The following TADA2A variants were observed in gnomAD, a reference collection of about 807,000 sequenced individuals.
TADA2A encodes the protein transcriptional adapter 2-alpha.
TADA2A carries 38 observed loss-of-function variants against 67.4 expected under a neutral mutation model. The observed-to-expected ratio is 0.56, with a 90% confidence interval of 0.44 to 0.74. TADA2A has a LOEUF of 0.74. Among genes scored for constraint, TADA2A ranks in the 30% least tolerant of loss-of-function variants. The pLI is 0.00. For synonymous variants in TADA2A, 192 were observed against 181.6 expected (o/e 1.06, Z -0.46); for missense variants, 454 against 547.0 (o/e 0.83, Z 1.70).
intron 1 of TADA2A, chr17:37,407,474 A>G (rs1272064925): frequency 2.6e-5 from 4 of 152,234 alleles, no homozygotes; most frequent in Non-Finnish European, 4.4e-5. Flanking sequence ...CTGCCCGGCG[A>G]AGTGCCTCAC....
chr17:37,407,005 C>T (rs2051565474), intron 1 of TADA2A, 56 bp downstream of exon 1: 1 of 147,484 alleles, frequency 6.8e-6, no homozygotes, highest in African/African-American at 2.5e-5. Context: ...AGCGCGAGCC[C>T]CTCTAGCGGG....
chr17:37,434,700 CTTA>C (rs886539602), intron 4 of TADA2A, among the ~76,000 whole-genome samples: 4 of 152,110 alleles, frequency 2.6e-5, no homozygotes, highest in African/African-American at 9.7e-5. Flanking sequence ...TTAGAAATTT[CTTA>C]TTATTGTGTG....
At chr17:37,443,666 T>C (rs1345325358) in intron 7 of TADA2A, among the ~76,000 whole-genome samples, 1 of 152,226 alleles carries the variant, frequency 6.6e-6, no homozygotes, top group Non-Finnish European at 1.5e-5. Flanking sequence ...TTTAGTATGC[T>C]ATAAAGTTTC....
At chr17:37,436,189 T>A (rs528561663) in intron 4 of TADA2A, among the ~76,000 whole-genome samples, 1 of 152,114 alleles carries the variant, frequency 6.6e-6, no homozygotes, top group African/African-American at 2.4e-5. Flanking sequence ...AAAGAAACAT[T>A]TTAAGATTTG....
intron 1 of TADA2A, chr17:37,407,324 C>G (rs1008865990): frequency 2.0e-5 from 3 of 152,954 alleles, no homozygotes; most frequent in Admixed American, 6.5e-5. Context: ...AGCAGGCCCC[C>G]CAAAGTAGGT....
intron 14 of TADA2A, among the ~76,000 whole-genome samples, chr17:37,473,827 C>A (rs771028785): frequency 6.6e-6 from 1 of 152,176 alleles, no homozygotes; most frequent in Admixed American, 6.6e-5. Flanking sequence ...TTGGAAGGAA[C>A]AGATATTCCC....
intron 15 of TADA2A, 37 bp downstream of exon 15, chr17:37,474,666 G>T (rs768853424): frequency 6.3e-7 from 1 of 1,581,002 alleles, no homozygotes; most frequent in Admixed American, 1.8e-5. Context: ...AAGAGAATAG[G>T]GGCTGATTAT....
chr17:37,437,769 G>A lies in TADA2A; in HGVS notation c.224G>A (p.Trp75Ter), dbSNP rs1189869589. The change falls in exon 5 of 16, where the codon TGG becomes TAG. Residue 75 changes from tryptophan (W) to a stop codon, truncating the protein, a stop_gained. Transcript: ENST00000615182. LOFTEE classifies it high-confidence loss of function. ...TSDFPVLDPS[W>*]TAQEEMALLE... ...GATTTTCCTGTCCTTGATCCCAGCT[G>A]GACTGCTCAAGAAGAAATGGCCCTT... 6.2e-7 allele frequency: 1 copy of A among 1,614,028 alleles called. No homozygotes were observed. The highest frequency in any genetic ancestry group is 1.3e-5 in the African/African-American group (1 of 74,914).
At chr17:37,460,965 T>TAA (rs1048831853) in intron 9 of TADA2A, among the ~76,000 whole-genome samples, 4 of 144,128 alleles carry the variant, frequency 2.8e-5, no homozygotes, top group African/African-American at 1.0e-4. Context: ...CCCCATCTCT[T>TAA]AAAAAAAAAA....
At chr17:37,451,991 AAAAT>A (rs1388975759) in intron 8 of TADA2A, among the ~76,000 whole-genome samples, 1 of 152,098 alleles carries the variant, frequency 6.6e-6, no homozygotes, top group Non-Finnish European at 1.5e-5. Context: ...TCAAAAATAA[AAAAT>A]AAATCACAAA....
chr17:37,428,776 G>A (rs1053495662), intron 4 of TADA2A, among the ~76,000 whole-genome samples: 2 of 152,160 alleles, frequency 1.3e-5, no homozygotes, highest in Non-Finnish European at 2.9e-5. Context: ...GCCAGGCTTG[G>A]TGGCTCATGC....
In TADA2A at chr17:37,423,534, C is replaced by T. The variant is rs370683055; in HGVS notation, c.51C>T (p.Cys17=). 108 of 1,612,340 alleles carry T rather than the reference C, an allele frequency of 6.7e-5. No individual in the cohort carries two copies. The highest frequency in any genetic ancestry group is 7.9e-5 in the Non-Finnish European group (93 of 1,179,664). The part of the protein sequence containing the change: ...FSNDPSDKPP[C]RGCSSYLMEP... ...ATGATCCCTCTGATAAGCCACCTTG[C>T]CGAGGCTGCTCCTCCTACCTCATGG... Residue 17 remains cysteine, a synonymous_variant, in exon 3 of 16, where the codon TGC becomes TGT. Coordinates refer to ENST00000615182, the MANE Select transcript of TADA2A (RefSeq NM_001166105.3).
At chr17:37,432,581 T>G (rs1216850522) in intron 4 of TADA2A, among the ~76,000 whole-genome samples, 1 of 152,248 alleles carries the variant, frequency 6.6e-6, no homozygotes, top group Non-Finnish European at 1.5e-5. Flanking sequence ...TAATACAGTT[T>G]TTTATCCATT....
chr17:37,414,881 TTC>T (rs2051992262), intron 2 of TADA2A, among the ~76,000 whole-genome samples: 1 of 125,480 alleles, frequency 8.0e-6, no homozygotes. Context: ...TCTAATTTTT[TTC>T]TTTTTCTTTT....
At chr17:37,435,478 C>T (rs749690956) in intron 4 of TADA2A, among the ~76,000 whole-genome samples, 4 of 152,016 alleles carry the variant, frequency 2.6e-5, no homozygotes, top group African/African-American at 7.2e-5. Context: ...TTAGTAGAGA[C>T]GGGGTTTCAC....
chr17:37,435,319 C>G (rs1001854571), intron 4 of TADA2A, among the ~76,000 whole-genome samples: 2 of 152,206 alleles, frequency 1.3e-5, no homozygotes, highest in Admixed American at 1.3e-4. Context: ...AACGGAGTCT[C>G]TCTCTGTCCC....
chr17:37,424,858 T>G (rs2052356539), intron 3 of TADA2A, among the ~76,000 whole-genome samples: 1 of 150,618 alleles, frequency 6.6e-6, no homozygotes, highest in South Asian at 2.1e-4. Flanking sequence ...TGCCCAGCTA[T>G]TTTTTCTTTT....
chr17:37,437,087 A>ATT (rs779706863), intron 4 of TADA2A, among the ~76,000 whole-genome samples: 1 of 140,724 alleles, frequency 7.1e-6, no homozygotes, highest in Non-Finnish European at 1.6e-5. Flanking sequence ...TTTATTTTTA[A>ATT]TTTTTTTTTT....
chr17:37,420,180 T>C (rs2052188911), intron 2 of TADA2A, among the ~76,000 whole-genome samples: 2 of 146,218 alleles, frequency 1.4e-5, no homozygotes, highest in South Asian at 4.4e-4. Flanking sequence ...CTCAGCGCAG[T>C]GGCTCACTCC....
Sources: gnomAD v4.1 joint callset for allele counts (sites outside exome capture counted in the v4.1 genomes callset) on GRCh38, gnomAD v4.1.1 for gene constraint, MANE v1.5 for transcripts, NCBI Gene and HGNC (gene_info 2026-07-23, HGNC 2026-07-21) for gene names.